The following CMSS1 variants were observed in gnomAD, a reference collection of about 807,000 sequenced individuals.
The protein encoded by CMSS1 is cms1 ribosomal small subunit homolog.
Under a neutral mutation model 43.5 loss-of-function variants are expected in CMSS1, and 33 were observed. The observed-to-expected ratio is 0.76, with a 90% CI of 0.57 to 1.01. The LOEUF (loss-of-function observed/expected upper bound fraction) is 1.01. Ranked by LOEUF, CMSS1 falls within the 50% of genes least tolerant of loss-of-function variation. The pLI, the probability that CMSS1 is intolerant of heterozygous loss-of-function variation, is 0.00. For missense variants in CMSS1, 313 were observed against 326.4 expected (o/e 0.96, Z 0.32); for synonymous variants, 115 against 117.2 (o/e 0.98, Z 0.12).
intron 1 of CMSS1, among the ~76,000 whole-genome samples, chr3:99,972,121 G>A (rs1393929416): frequency 6.6e-6 from 1 of 152,176 alleles, no homozygotes; most frequent in African/African-American, 2.4e-5. Flanking sequence ...TAGTGATATT[G>A]CAGACATATA....
At chr3:99,924,095 C>T in intron 1 of CMSS1, 1 of 761,042 alleles carries the variant, frequency 1.3e-6, no homozygotes, top group Non-Finnish European at 2.2e-6. Context: ...CAAACATATC[C>T]TTTTCCTCAC....
At chr3:99,925,014 C>T (rs1707247074) in intron 1 of CMSS1, among the ~76,000 whole-genome samples, 1 of 152,154 alleles carries the variant, frequency 6.6e-6, no homozygotes, top group Non-Finnish European at 1.5e-5. Context: ...TCCTGAGAAG[C>T]TACATTAAAG....
intron 1 of CMSS1, among the ~76,000 whole-genome samples, chr3:100,032,979 G>A (rs1388528397): frequency 1.3e-5 from 2 of 151,698 alleles, no homozygotes; most frequent in Non-Finnish European, 2.9e-5. Flanking sequence ...CAAGTACCAG[G>A]GCCAAACTGC....
intron 1 of CMSS1, among the ~76,000 whole-genome samples, chr3:99,941,122 G>A (rs1431204669): frequency 1.3e-5 from 2 of 152,056 alleles, no homozygotes; most frequent in Admixed American, 1.3e-4. Context: ...GGGAAGAGAG[G>A]GAAACTAACT....
chr3:99,990,860 A>G (rs1337552912), intron 1 of CMSS1, among the ~76,000 whole-genome samples: 1 of 152,216 alleles, frequency 6.6e-6, no homozygotes, highest in South Asian at 2.1e-4. Flanking sequence ...ATTTTCTCCA[A>G]CAGATAAATA....
chr3:100,019,984 T>C (rs113443022), intron 1 of CMSS1, among the ~76,000 whole-genome samples: 1,776 of 152,292 alleles, frequency 0.012, 22 homozygotes, highest in African/African-American at 0.026. Flanking sequence ...GTGTGTATTA[T>C]GTGCAATTTT....
intron 1 of CMSS1, among the ~76,000 whole-genome samples, chr3:99,844,617 G>A (rs1206624384): frequency 6.6e-6 from 1 of 152,132 alleles, no homozygotes; most frequent in East Asian, 1.9e-4. Context: ...AGAATCCTTA[G>A]ACTACAAATC....
At chr3:99,833,688 G>A (rs940946338) in intron 1 of CMSS1, among the ~76,000 whole-genome samples, 1 of 152,172 alleles carries the variant, frequency 6.6e-6, no homozygotes, top group Non-Finnish European at 1.5e-5. Flanking sequence ...GTTTTCTCAG[G>A]AGCGGTCCTG....
At chr3:100,144,723 C>T (rs976512523) in intron 1 of CMSS1, among the ~76,000 whole-genome samples, 2 of 152,172 alleles carry the variant, frequency 1.3e-5, no homozygotes, top group South Asian at 2.1e-4. Context: ...CTTCCTCTTT[C>T]GTGGTCATTT....
At chr3:99,998,363 A>G (rs1347681748) in intron 1 of CMSS1, among the ~76,000 whole-genome samples, 1 of 152,246 alleles carries the variant, frequency 6.6e-6, no homozygotes, top group Non-Finnish European at 1.5e-5. Flanking sequence ...TGTTTGGTGT[A>G]GCAACCCATC....
At chr3:99,860,291 C>T (rs192397253) in intron 1 of CMSS1, among the ~76,000 whole-genome samples, 3 of 152,144 alleles carry the variant, frequency 2.0e-5, no homozygotes, top group Non-Finnish European at 2.9e-5. Context: ...ATCACCTGAA[C>T]GATTAATCTT....
intron 2 of CMSS1, among the ~76,000 whole-genome samples, chr3:100,157,405 G>A (rs1421682471): frequency 1.3e-5 from 2 of 151,936 alleles, no homozygotes; most frequent in Non-Finnish European, 2.9e-5. Context: ...CTCTTGTGTT[G>A]GAGACTTTCC....
chr3:100,095,660 T>C (rs1301343145), intron 1 of CMSS1, among the ~76,000 whole-genome samples: 2 of 152,132 alleles, frequency 1.3e-5, no homozygotes, highest in Non-Finnish European at 2.9e-5. Context: ...CTTCAGACTT[T>C]GAAACTGAAA....
intron 6 of CMSS1, among the ~76,000 whole-genome samples, chr3:100,170,093 A>C (rs571045790): frequency 2.0e-5 from 3 of 152,234 alleles, no homozygotes; most frequent in Non-Finnish European, 4.4e-5. Context: ...TTTTATAAGA[A>C]CATCTGTTCT....
At chr3:100,088,376 A>G (rs1201335830) in intron 1 of CMSS1, among the ~76,000 whole-genome samples, 1 of 152,214 alleles carries the variant, frequency 6.6e-6, no homozygotes, top group African/African-American at 2.4e-5. Flanking sequence ...AAAACTACAA[A>G]TAATGCAAAT....
chr3:99,860,140 G>A (rs1944171386), intron 1 of CMSS1, among the ~76,000 whole-genome samples: 1 of 152,062 alleles, frequency 6.6e-6, no homozygotes, highest in Admixed American at 6.6e-5. Flanking sequence ...ACCATAAATG[G>A]GTCCAGACCC....
intron 4 of CMSS1, 85 bp from the exon 5 acceptor site, chr3:100,166,250 C>A: frequency 1.1e-6 from 1 of 877,168 alleles, no homozygotes; most frequent in Non-Finnish European, 1.9e-6. Context: ...CAACCTTATA[C>A]ATCACTCATA....
intron 1 of CMSS1, among the ~76,000 whole-genome samples, chr3:100,129,005 G>C (rs1378213301): frequency 6.6e-6 from 1 of 151,948 alleles, no homozygotes; most frequent in African/African-American, 2.4e-5. Context: ...TTTTAATACT[G>C]TACAGATTTG....
intron 1 of CMSS1, chr3:99,876,205 G>T (rs1343440417): frequency 6.1e-6 from 6 of 985,448 alleles, no homozygotes; most frequent in Admixed American, 6.1e-5. Context: ...CGGCCTATGG[G>T]CGTTACGTCA....
Sources: gnomAD v4.1 joint callset for allele counts (sites outside exome capture counted in the v4.1 genomes callset) on GRCh38, gnomAD v4.1.1 for gene constraint, MANE v1.5 for transcripts, NCBI Gene and HGNC (gene_info 2026-07-23, HGNC 2026-07-21) for gene names.